WDR33: variants seen among roughly 807,000 people sequenced by gnomAD.
WDR33 encodes WD repeat domain 33.
WDR33 carries 47 observed loss-of-function variants against 164.9 expected under a neutral mutation model. That is an observed-to-expected ratio of 0.29 (90% CI 0.23 to 0.36). WDR33 has a LOEUF of 0.36. Among genes scored for constraint, WDR33 ranks in the 10% least tolerant of loss-of-function variants. The probability of loss-of-function intolerance (pLI) is 1.00; values close to 1 mark genes in which losing one functional copy is unlikely to be tolerated. For missense variants in WDR33, 1,137 were observed against 1,754.1 expected, an observed-to-expected ratio of 0.65 and a Z score of 6.28; for synonymous variants, 505 against 589.0, an observed-to-expected ratio of 0.86 and a Z score of 2.06.
Position 127,709,430 on chromosome 2 carries a change from T to G in WDR33, c.3565+60A>C. The G allele has an allele frequency of 1.3e-6, 2 of 1,559,064 alleles. No homozygotes were observed. The highest frequency in any genetic ancestry group is 1.8e-6 in the Non-Finnish European group (2 of 1,131,780). On this transcript the variant is annotated intron_variant, in intron 20 of 21. Coordinates refer to ENST00000322313, the MANE Select transcript of WDR33 (RefSeq NM_018383.5). The surrounding 1 kb of genome is among the most constrained non-coding windows in gnomAD (Gnocchi z 5.0). ...ACCCGGTGCACCCCAGAGAGGGCCC[T>G]CAGAACTCACTTTGTGAACTGCAGT...
At chr2:127,707,908 A>C (rs1304502688) in intron 21 of WDR33, among the ~76,000 whole-genome samples, 1 of 152,188 alleles carries the variant, frequency 6.6e-6, no homozygotes, top group Non-Finnish European at 1.5e-5. Flanking sequence ...GCAGTAAGCC[A>C]AGATCACACC....
chr2:127,748,546 T>G (rs765488795), intron 7 of WDR33, among the ~76,000 whole-genome samples: 1 of 152,124 alleles, frequency 6.6e-6, no homozygotes, highest in Non-Finnish European at 1.5e-5. Context: ...GTAAAAAGCA[T>G]TAAAAACTGT....
In WDR33 at chr2:127,703,478, T is replaced by C. The variant is rs1251747354; in HGVS notation, c.*2845A>G. 4 of 167,116 alleles carry C rather than the reference T, an allele frequency of 2.4e-5. No individual in the cohort carries two copies. The highest frequency in any genetic ancestry group is 6.5e-5 in the Admixed American group (1 of 15,284). 10.4% of individuals were successfully genotyped at this position (167,116 alleles called of 1,614,324 possible). Reference sequence around the variant, plus strand: ...CTGCTTCCTCCAACCCCAAAATTTATGTTCCTAAGTAAGTCAGGTCCCTAA... The same window carrying C: ...CTGCTTCCTCCAACCCCAAAATTTACGTTCCTAAGTAAGTCAGGTCCCTAA... On this transcript the variant is annotated 3_prime_UTR_variant, in exon 22 of 22. Transcript: ENST00000322313.
chr2:127,779,422 C>T (rs1389977261), intron 1 of WDR33, among the ~76,000 whole-genome samples: 2 of 151,838 alleles, frequency 1.3e-5, no homozygotes, highest in East Asian at 1.9e-4. Context: ...GCCAAGATCA[C>T]GACACTGCAC....
chr2:127,715,775 T>C (rs1686284931), intron 17 of WDR33, among the ~76,000 whole-genome samples: 1 of 152,186 alleles, frequency 6.6e-6, no homozygotes, highest in African/African-American at 2.4e-5. Context: ...AAAAGTACCC[T>C]GCTCTTCAAG....
intron 1 of WDR33, among the ~76,000 whole-genome samples, chr2:127,809,335 C>A (rs1428663884): frequency 2.0e-5 from 3 of 151,618 alleles, no homozygotes; most frequent in Non-Finnish European, 2.9e-5. Context: ...GTATTTTTCA[C>A]CAACCAAAGA....
chr2:127,727,160 T>C (rs1365305102), intron 7 of WDR33, among the ~76,000 whole-genome samples: 5 of 152,206 alleles, frequency 3.3e-5, no homozygotes, highest in Non-Finnish European at 7.3e-5. Flanking sequence ...TTGTCCCACT[T>C]TGTGATAGTT....
chr2:127,703,821 C>G lies in WDR33; in HGVS notation c.*2502G>C, dbSNP rs886531058. On this transcript the variant is annotated 3_prime_UTR_variant, in exon 22 of 22. Transcript: ENST00000322313. ...ACAATGTTTATTTCTTAAATAAAAACTTAAAAATTCAACATTTCTCAGCTG... is the reference window on the plus strand; with the variant it reads ...ACAATGTTTATTTCTTAAATAAAAAGTTAAAAATTCAACATTTCTCAGCTG... 1.2e-5 allele frequency: 2 copies of G among 166,880 alleles called. No individual in the cohort carries two copies. Among genetic ancestry groups the G allele is most frequent in the African/African-American group, 4.8e-5 (2 of 41,396 alleles). 10.3% of individuals were successfully genotyped at this position (166,880 alleles called of 1,614,324 possible).
chr2:127,711,829 G>A (rs1472937711), intron 18 of WDR33, among the ~76,000 whole-genome samples: 2 of 141,002 alleles, frequency 1.4e-5, no homozygotes, highest in African/African-American at 5.5e-5. Context: ...CTGGAGTGCA[G>A]TGGTGCAATC....
Position 127,701,696 on chromosome 2 carries a change from C to A in WDR33, c.*4627G>T. On this transcript the variant is annotated 3_prime_UTR_variant, in exon 22 of 22. Transcript: ENST00000322313. The stretch of plus-strand genomic sequence containing the variant: ...GCTTGCGCTGGACGTGGGCGCGGAG[C>A]CCTGCGGAGTCGGCAGCGGCCGGCC... 1 of 1,319,166 alleles carries A rather than the reference C, an allele frequency of 7.6e-7. No homozygotes were observed. Among genetic ancestry groups the A allele is most frequent in the Non-Finnish European group, 9.6e-7 (1 of 1,039,790 alleles). The allele number at this position is 1,319,166 out of a possible 1,614,324, so 81.7% of individuals were successfully genotyped here. A position where few individuals can be genotyped will look rare whatever the true frequency, so the allele number is the denominator to read the frequency against.
At chr2:127,797,991 T>A (rs1231753201) in intron 1 of WDR33, among the ~76,000 whole-genome samples, 1 of 151,920 alleles carries the variant, frequency 6.6e-6, no homozygotes, top group Admixed American at 6.6e-5. Context: ...TTCAACCTGG[T>A]GACAGAGTGA....
At chr2:127,749,798 T>G (rs112633465) in intron 7 of WDR33, among the ~76,000 whole-genome samples, 1 of 151,976 alleles carries the variant, frequency 6.6e-6, no homozygotes, top group African/African-American at 2.4e-5. Context: ...ACTGAAACTC[T>G]CCATCATACT....
chr2:127,711,782 T>TATATATATATATA (rs1558919467), intron 18 of WDR33, among the ~76,000 whole-genome samples: 31 of 84,416 alleles, frequency 3.7e-4, no homozygotes, highest in Non-Finnish European at 5.1e-4. Flanking sequence ...ATATATATAT[T>TATATATATATATA]TTTTTTTTGA....
At chr2:127,766,931 G>T (rs1002129606) in intron 4 of WDR33, among the ~76,000 whole-genome samples, 1 of 152,088 alleles carries the variant, frequency 6.6e-6, no homozygotes, top group Non-Finnish European at 1.5e-5. Flanking sequence ...GCTAATTTTT[G>T]TATTTTTAGT....
Position 127,726,915 on chromosome 2 carries a change from G to T in WDR33, c.725-138C>A. The T allele has an allele frequency of 9.0e-7, 1 of 1,114,658 alleles. No individual in the cohort carries two copies. Among genetic ancestry groups the T allele is most frequent in the Non-Finnish European group, 1.3e-6 (1 of 792,654 alleles). 69.0% of individuals were successfully genotyped at this position (1,114,658 alleles called of 1,614,324 possible). On this transcript the variant is annotated intron_variant, in intron 7 of 21. Transcript: ENST00000322313. This position sits in a 1 kb window ranked among gnomAD's most constrained non-coding sequence, Gnocchi z 4.8. ...AAACTTGTTTTGTGAAGACTCTTTG[G>T]CCTCTGTGTGTCTGGAAATTTTTCA...
intron 7 of WDR33, among the ~76,000 whole-genome samples, chr2:127,750,594 A>C (rs1687296216): frequency 7.2e-6 from 1 of 138,314 alleles, no homozygotes; most frequent in African/African-American, 2.7e-5. Context: ...AGTTGCAGTG[A>C]GTCGAGATTG....
chr2:127,772,563 G>A (rs1413320827), intron 1 of WDR33, among the ~76,000 whole-genome samples: 1 of 151,932 alleles, frequency 6.6e-6, no homozygotes, highest in African/African-American at 2.4e-5. Context: ...AAATTTCCCA[G>A]GACTAGTGTA....
intron 1 of WDR33, among the ~76,000 whole-genome samples, chr2:127,807,749 A>AT (rs1454427839): frequency 6.6e-6 from 1 of 152,220 alleles, no homozygotes; most frequent in East Asian, 1.9e-4. Context: ...TCATTCTTCA[A>AT]TTTGTATAAT....
intron 7 of WDR33, chr2:127,762,768 C>A: frequency 8.8e-7 from 1 of 1,140,512 alleles, no homozygotes; most frequent in East Asian, 5.7e-5. Flanking sequence ...ACCCTGGCTA[C>A]AAGGAAGGAA....
Sources: allele counts gnomAD v4.1 joint callset (sites outside exome capture counted in the v4.1 genomes callset), GRCh38; gene constraint gnomAD v4.1.1; non-coding constraint Gnocchi (gnomAD v3.1); transcripts MANE v1.5; gene names NCBI Gene and HGNC (gene_info 2026-07-23, HGNC 2026-07-21).